SLC5A11: variants seen among roughly 807,000 people sequenced by gnomAD.
SLC5A11 encodes the protein sodium/myo-inositol cotransporter 2.
Under a neutral mutation model 69.8 loss-of-function variants are expected in SLC5A11, and 48 were observed. The ratio of observed to expected loss-of-function variants is 0.69; its 90% CI spans 0.55 to 0.87. The LOEUF is 0.87. Ranked by LOEUF, SLC5A11 falls within the 40% of genes least tolerant of loss-of-function variation. SLC5A11 has a pLI of 0.00. For synonymous variants in SLC5A11, 319 were observed against 342.4 expected (o/e 0.93, Z 0.75); for missense variants, 784 against 866.1 (o/e 0.91, Z 1.19).
At position 24,897,576 on chromosome 16, in the gene SLC5A11, A is replaced by G. The variant is rs139165881; in HGVS notation, c.871-398A>G. Among the ~76,000 whole-genome samples the G allele has an allele frequency of 2.6e-4, 40 of 152,308 alleles. 1 individual carries two copies. In the East Asian group the frequency reaches 7.0e-3, roughly 26 times the overall value. On this transcript the variant is annotated intron_variant, in intron 9 of 15. Transcript: ENST00000347898. ...GCCTTAAGAGAAAGCCTTCTAATAC[A>G]GTCTGTTCTCACACTGCTGATAAAG...
At chr16:24,851,030 C>G (rs557997332) in intron 1 of SLC5A11, among the ~76,000 whole-genome samples, 2 of 151,228 alleles carry the variant, frequency 1.3e-5, no homozygotes, top group African/African-American at 4.9e-5. Context: ...AGGCTGGTCT[C>G]GAACTCTGGA....
At chr16:24,875,516 C>T (rs919062329) in intron 5 of SLC5A11, 111 bp from the exon 7 acceptor site, 1 of 799,474 alleles carries the variant, frequency 1.3e-6, no homozygotes, top group Non-Finnish European at 2.1e-6. Flanking sequence ...CCAAGAAGAC[C>T]ATCTGTGCTC....
intron 7 of SLC5A11, among the ~76,000 whole-genome samples, chr16:24,882,847 T>C (rs1027139505): frequency 3.3e-5 from 5 of 152,150 alleles, no homozygotes; most frequent in African/African-American, 1.2e-4. Flanking sequence ...GGTTTCACCA[T>C]GTTGGCCAGG....
chr16:24,907,677 C>T (rs1200369328), intron 12 of SLC5A11, among the ~76,000 whole-genome samples: 2 of 151,228 alleles, frequency 1.3e-5, no homozygotes, highest in Admixed American at 6.6e-5. Context: ...ACTGCACTCC[C>T]GCCTGGGTGA....
intron 15 of SLC5A11, among the ~76,000 whole-genome samples, chr16:24,911,026 G>A (rs187203922): frequency 6.6e-5 from 10 of 151,906 alleles, no homozygotes; most frequent in Admixed American, 3.9e-4. Context: ...AAAATTAGCC[G>A]GGCATGGTAG....
chr16:24,862,722 T>C, intron 3 of SLC5A11, 50 bp downstream of exon 4: 1 of 1,534,334 alleles, frequency 6.5e-7, no homozygotes, highest in Non-Finnish European at 9.0e-7. Context: ...AATCTTCAAG[T>C]GCTGGGATTC....
chr16:24,911,317 GTTC>G lies in SLC5A11; in HGVS notation c.1823-8_1823-6del. On this transcript the variant is annotated splice_region_variant and splice_polypyrimidine_tract_variant and intron_variant, in intron 15 of 15. Transcript: ENST00000347898. ...CACCTCTACGGTCTTCCTTTGCTGG[GTTC>G]TTTCTAGGTGACATGACCCCAAAGC... 1 of 1,613,696 alleles carries G rather than the reference GTTC, an allele frequency of 6.2e-7. No individual in the cohort carries two copies. Among genetic ancestry groups the G allele is most frequent in the Admixed American group, 1.7e-5 (1 of 60,012 alleles).
intron 10 of SLC5A11, among the ~76,000 whole-genome samples, chr16:24,901,688 C>T (rs983406443): frequency 2.0e-5 from 3 of 152,050 alleles, no homozygotes; most frequent in South Asian, 2.1e-4. Context: ...ATCTTCCAAG[C>T]GTTATTCTAG....
intron 14 of SLC5A11, 83 bp from the exon 16 acceptor site, chr16:24,910,223 G>T (rs1048099367): frequency 5.0e-6 from 7 of 1,412,568 alleles, no homozygotes; most frequent in Non-Finnish European, 6.9e-6. Flanking sequence ...TGAGTGTGGG[G>T]TTGGGTGGGG....
chr16:24,849,593 A>AAAAAAAAAAAAAAAAATATATATATAT, intron 1 of SLC5A11, among the ~76,000 whole-genome samples: 2 of 35,906 alleles, frequency 5.6e-5, no homozygotes, highest in Non-Finnish European at 1.1e-4. Context: ...AAAAAAAAAA[A>AAAAAAAAAAAAAAAAATATATATATAT]ATATATATAT....
Position 24,897,958 on chromosome 16 carries a change from C to G in SLC5A11, c.871-16C>G, listed in dbSNP as rs201143757. The G allele has an allele frequency of 2.5e-6, 4 of 1,613,414 alleles. No homozygotes were observed. In the East Asian group the frequency reaches 8.9e-5, roughly 36 times the overall value. ...TATCAGCATTCCCAGTTTCCAACCC[C>G]CTTGATCTTTTCCAGGTGATTGTCC... On this transcript the variant is annotated splice_polypyrimidine_tract_variant and intron_variant, in intron 9 of 15. Coordinates refer to ENST00000347898, the Ensembl canonical transcript of SLC5A11.
chr16:24,895,877 C>T (rs1042267013), intron 9 of SLC5A11, among the ~76,000 whole-genome samples: 1 of 152,124 alleles, frequency 6.6e-6, no homozygotes, highest in African/African-American at 2.4e-5. Flanking sequence ...GAAATACCGC[C>T]CAAGGTGACA....
At chr16:24,888,136 T>C (rs1282937223) in intron 8 of SLC5A11, among the ~76,000 whole-genome samples, 1 of 152,072 alleles carries the variant, frequency 6.6e-6, no homozygotes, top group African/African-American at 2.4e-5. Flanking sequence ...TTGAAAAAAA[T>C]TTTTTACAAA....
chr16:24,873,266 G>GA (rs1491352068), intron 5 of SLC5A11, among the ~76,000 whole-genome samples: 1 of 144,744 alleles, frequency 6.9e-6, no homozygotes, highest in Admixed American at 6.9e-5. Flanking sequence ...AGGAAGGAAG[G>GA]AAGGAAGGAA....
intron 2 of SLC5A11, among the ~76,000 whole-genome samples, chr16:24,861,368 T>C (rs1468328622): frequency 2.0e-5 from 3 of 151,914 alleles, no homozygotes; most frequent in African/African-American, 4.8e-5. Context: ...TAGTCCCAGA[T>C]ACTTGGAAGG....
chr16:24,878,049 AGGCTG>A (rs2047798760), intron 7 of SLC5A11, among the ~76,000 whole-genome samples: 1 of 152,036 alleles, frequency 6.6e-6, no homozygotes, highest in African/African-American at 2.4e-5. Context: ...GCTACTCAGG[AGGCTG>A]AGGCAGGAGA....
chr16:24,860,360 C>A (rs1794291460), intron 2 of SLC5A11, among the ~76,000 whole-genome samples: 1 of 151,984 alleles, frequency 6.6e-6, no homozygotes, highest in Admixed American at 6.6e-5. Context: ...GGAGGCTAAG[C>A]CAGGAGAATC....
chr16:24,890,974 C>A (rs1567658010), exon 9 of SLC5A11: 1 of 1,614,192 alleles, frequency 6.2e-7, no homozygotes, highest in Non-Finnish European at 8.5e-7. Flanking sequence ...CGGGAAGATG[C>A]CTTCCATATT....
chr16:24,863,786 C>T (rs965408989), intron 3 of SLC5A11, among the ~76,000 whole-genome samples: 3 of 152,122 alleles, frequency 2.0e-5, no homozygotes, highest in African/African-American at 7.2e-5. Context: ...GCCCTGTTTC[C>T]ATCTCTCTCT....
Sources: allele counts gnomAD v4.1 joint callset (sites outside exome capture counted in the v4.1 genomes callset), GRCh38; gene constraint gnomAD v4.1.1; transcripts MANE v1.5; gene names NCBI Gene and HGNC (gene_info 2026-07-23, HGNC 2026-07-21).